The following PKIB variants were observed in gnomAD, a reference collection of about 807,000 sequenced individuals.
PKIB encodes cAMP-dependent protein kinase inhibitor beta.
In PKIB, 2 loss-of-function variants were observed where a neutral mutation model predicts 4.5. The ratio of observed to expected loss-of-function variants is 0.44; its 90% CI spans 0.18 to 1.39. The LOEUF (loss-of-function observed/expected upper bound fraction) is 1.39, where lower values mean the gene tolerates loss of function less well. Ranked by LOEUF, PKIB falls within the 40% of genes most tolerant of loss-of-function variation. PKIB has a pLI of 0.27. For synonymous variants in PKIB, 38 were observed against 36.0 expected (o/e 1.06, Z -0.20); for missense variants, 94 against 92.6 (o/e 1.02, Z -0.06).
rs575550807 is a variant in PKIB at position 122,573,183 on chromosome 6, A to G, written c.-247-12738A>G. Among the ~76,000 whole-genome samples, 9 of 152,284 alleles carry G rather than the reference A, an allele frequency of 5.9e-5. No individual in the cohort carries two copies. The East Asian group carries it at 1.7e-3, about 29-fold the overall frequency. ...AAGAGAAAAAGAAAACTGCAAACCA[A>G]TATCTCTGATAAAAACAGATGCAAA... On this transcript the variant is annotated intron_variant, in intron 2 of 6. Coordinates refer to the PKIB transcript ENST00000392491.
chr6:122,723,880 C>A (rs551344961), intron 4 of PKIB, among the ~76,000 whole-genome samples: 1 of 152,158 alleles, frequency 6.6e-6, no homozygotes, highest in Admixed American at 6.6e-5. Context: ...TTCTTATTGA[C>A]CACACATTTC....
chr6:122,473,688 A>G (rs1230935234), intron 1 of PKIB, among the ~76,000 whole-genome samples: 1 of 152,310 alleles, frequency 6.6e-6, no homozygotes, highest in Admixed American at 6.5e-5. Flanking sequence ...GACTTTTTCA[A>G]ATTTCAACCC....
intron 2 of PKIB, among the ~76,000 whole-genome samples, chr6:122,577,307 G>C (rs1395049455): frequency 6.6e-6 from 1 of 152,166 alleles, no homozygotes; most frequent in African/African-American, 2.4e-5. Context: ...TTTTTCCTGG[G>C]ATGAGGGACG....
intron 2 of PKIB, among the ~76,000 whole-genome samples, chr6:122,537,509 C>G (rs1472389696): frequency 6.6e-6 from 1 of 152,144 alleles, no homozygotes; most frequent in East Asian, 1.9e-4. Context: ...AGGACATGAA[C>G]TCATCATTTT....
At chr6:122,489,225 A>T (rs1320060896) in intron 2 of PKIB, among the ~76,000 whole-genome samples, 1 of 11,594 alleles carries the variant, frequency 8.6e-5, no homozygotes, top group East Asian at 2.4e-3. Context: ...TATTTCATTT[A>T]TTATTATTAT....
intron 3 of PKIB, among the ~76,000 whole-genome samples, chr6:122,675,805 TATGTTTTTTTCCCTGAAAAAAAATC>T (rs890251235): frequency 2.0e-5 from 3 of 152,120 alleles, no homozygotes; most frequent in Admixed American, 6.5e-5. Flanking sequence ...GAAAAAAAAT[TATGTTTTTTTCCCTGAAAAAAAATC>T]ATGTCTAATG....
intron 3 of PKIB, among the ~76,000 whole-genome samples, chr6:122,716,126 A>G (rs925973324): frequency 2.0e-5 from 3 of 152,216 alleles, no homozygotes; most frequent in Non-Finnish European, 4.4e-5. Flanking sequence ...GATACACAAG[A>G]AGGTGGTAGA....
chr6:122,722,128 A>G (rs908564259), intron 4 of PKIB, among the ~76,000 whole-genome samples: 6 of 152,190 alleles, frequency 3.9e-5, no homozygotes, highest in African/African-American at 1.2e-4. Context: ...AGCACATAAT[A>G]TATGAAAAAT....
At chr6:122,520,634 T>C (rs1562237573) in intron 2 of PKIB, among the ~76,000 whole-genome samples, 3 of 151,630 alleles carry the variant, frequency 2.0e-5, no homozygotes. Context: ...TCTCTGTAAA[T>C]GTGTGGTGTG....
At chr6:122,688,497 G>GTT (rs35487441) in intron 3 of PKIB, among the ~76,000 whole-genome samples, 3,164 of 151,614 alleles carry the variant, frequency 0.021, 100 homozygotes, top group African/African-American at 0.074. Flanking sequence ...CTTTTCTTCT[G>GTT]TTTTTTTTGG....
At chr6:122,611,692 CA>C (rs891419453) in intron 1 of PKIB, among the ~76,000 whole-genome samples, 1 of 151,908 alleles carries the variant, frequency 6.6e-6, no homozygotes. Flanking sequence ...GCCACACATT[CA>C]AAAAAAATCC....
At chr6:122,626,017 C>A (rs945869811) in intron 1 of PKIB, among the ~76,000 whole-genome samples, 1 of 151,942 alleles carries the variant, frequency 6.6e-6, no homozygotes, top group East Asian at 1.9e-4. Flanking sequence ...TGCAGTGAGC[C>A]AGGATTGCAT....
At chr6:122,522,440 A>C (rs1776972183) in intron 2 of PKIB, among the ~76,000 whole-genome samples, 1 of 152,082 alleles carries the variant, frequency 6.6e-6, no homozygotes, top group South Asian at 2.1e-4. Context: ...AAGAAAACCA[A>C]AACAAACAAC....
intron 2 of PKIB, among the ~76,000 whole-genome samples, chr6:122,484,328 C>T (rs896450817): frequency 4.6e-5 from 7 of 152,024 alleles, no homozygotes; most frequent in Non-Finnish European, 7.4e-5. Context: ...AAAATAATTT[C>T]GTATGCTTGG....
intron 2 of PKIB, among the ~76,000 whole-genome samples, chr6:122,636,023 G>T (rs1775905434): frequency 6.6e-6 from 1 of 151,892 alleles, no homozygotes; most frequent in Non-Finnish European, 1.5e-5. Flanking sequence ...TATATGCTAG[G>T]AACTATTCTA....
intron 4 of PKIB, 69 bp downstream of exon 4, chr6:122,718,032 G>A (rs1779573611): frequency 1.3e-6 from 2 of 1,487,302 alleles, no homozygotes; most frequent in African/African-American, 1.4e-5. Flanking sequence ...TCTCTGGACA[G>A]TCTTTCTTTT....
intron 2 of PKIB, among the ~76,000 whole-genome samples, chr6:122,515,712 G>A (rs1287510825): frequency 6.6e-6 from 1 of 152,074 alleles, no homozygotes; most frequent in South Asian, 2.1e-4. Context: ...ATTTCTTCAT[G>A]AGTTGTTTGT....
intron 2 of PKIB, among the ~76,000 whole-genome samples, chr6:122,662,910 G>A (rs1451034349): frequency 6.6e-6 from 1 of 152,180 alleles, no homozygotes; most frequent in African/African-American, 2.4e-5. Flanking sequence ...AGAGAAGCTT[G>A]AGCAATAAAT....
intron 2 of PKIB, among the ~76,000 whole-genome samples, chr6:122,585,745 T>C (rs1773830614): frequency 6.6e-6 from 1 of 152,140 alleles, no homozygotes; most frequent in Admixed American, 6.6e-5. Flanking sequence ...ACTATCCTGC[T>C]TCCTCCAAGC....
Sources: gnomAD v4.1 joint callset for allele counts (sites outside exome capture counted in the v4.1 genomes callset) on GRCh38, gnomAD v4.1.1 for gene constraint, MANE v1.5 for transcripts, NCBI Gene and HGNC (gene_info 2026-07-23, HGNC 2026-07-21) for gene names.